NEDD4: variants seen among roughly 807,000 people sequenced by gnomAD.
NEDD4 encodes NEDD4 E3 ubiquitin protein ligase.
Under a neutral mutation model 144.9 loss-of-function variants are expected in NEDD4, and 99 were observed. The observed-to-expected ratio is 0.68, with a 90% confidence interval of 0.58 to 0.81. The LOEUF (loss-of-function observed/expected upper bound fraction) is 0.81. NEDD4 is among the 30% of genes least tolerant of loss of function. NEDD4 has a pLI of 0.00. For missense variants in NEDD4, 985 were observed against 1,065.9 expected (o/e 0.92, Z 1.06); for synonymous variants, 318 against 350.6 (o/e 0.91, Z 1.04).
At chr15:55,971,192 G>C (rs1285402282) in intron 1 of NEDD4, among the ~76,000 whole-genome samples, 2 of 152,122 alleles carry the variant, frequency 1.3e-5, no homozygotes, top group African/African-American at 4.8e-5. Context: ...TGGCAGAATT[G>C]ATCACGCAGA....
At chr15:55,893,491 T>TA (rs1350107298) in intron 5 of NEDD4, among the ~76,000 whole-genome samples, 1 of 152,028 alleles carries the variant, frequency 6.6e-6, no homozygotes, top group Non-Finnish European at 1.5e-5. Context: ...ACTTTAATTG[T>TA]AAGTTTTACA....
chr15:55,976,437 G>A (rs2037700677), intron 1 of NEDD4, among the ~76,000 whole-genome samples: 1 of 152,084 alleles, frequency 6.6e-6, no homozygotes, highest in Non-Finnish European at 1.5e-5. Context: ...TTTCTCAAAA[G>A]AAGACATACA....
chr15:55,979,567 A>G (rs2037765278), intron 1 of NEDD4, among the ~76,000 whole-genome samples: 1 of 151,260 alleles, frequency 6.6e-6, no homozygotes, highest in East Asian at 1.9e-4. Context: ...GTTAGCCAGG[A>G]TGGTCTCGAT....
intron 9 of NEDD4, among the ~76,000 whole-genome samples, chr15:55,861,607 A>G (rs1438254194): frequency 1.3e-5 from 2 of 152,144 alleles, no homozygotes; most frequent in Admixed American, 6.5e-5. Flanking sequence ...ACATGATGTG[A>G]TTATTATGCC....
chr15:55,898,388 A>C (rs1185806233), intron 5 of NEDD4, among the ~76,000 whole-genome samples: 1 of 152,194 alleles, frequency 6.6e-6, no homozygotes, highest in Non-Finnish European at 1.5e-5. Context: ...GTGGGCCTGA[A>C]AACACTGTTA....
At chr15:55,949,426 T>C (rs1397589249) in intron 4 of NEDD4, among the ~76,000 whole-genome samples, 3 of 152,292 alleles carry the variant, frequency 2.0e-5, no homozygotes, top group Admixed American at 6.5e-5. Context: ...AGAAATACCA[T>C]TTGACCCAGC....
At chr15:55,835,516 T>C (rs938543837) in intron 24 of NEDD4, among the ~76,000 whole-genome samples, 5 of 150,972 alleles carry the variant, frequency 3.3e-5, no homozygotes, top group Non-Finnish European at 5.9e-5. Flanking sequence ...CAGGTCTCTC[T>C]CCACATGTGA....
intron 5 of NEDD4, among the ~76,000 whole-genome samples, chr15:55,919,490 T>C (rs892685797): frequency 6.6e-6 from 1 of 152,170 alleles, no homozygotes; most frequent in Non-Finnish European, 1.5e-5. Flanking sequence ...ACAATTTGCA[T>C]TGCTGGCTGA....
At chr15:55,926,094 TACATGTATATG>T (rs1378956507) in intron 4 of NEDD4, among the ~76,000 whole-genome samples, 1 of 152,106 alleles carries the variant, frequency 6.6e-6, no homozygotes, top group Non-Finnish European at 1.5e-5. Context: ...ATACATACTG[TACATGTATATG>T]ATACATACGT....
Position 55,848,589 on chromosome 15 carries a change from T to G in NEDD4, c.1429-14A>C. ...TTCCCATCCTGGCTATAATTAAAAA[T>G]GTATTTCAATTATTTTAGGAGAGGG... On this transcript the variant is annotated splice_polypyrimidine_tract_variant and intron_variant, in intron 15 of 28. Coordinates refer to ENST00000435532, the MANE Select transcript of NEDD4 (RefSeq NM_006154.4). The G allele has an allele frequency of 6.2e-7, 1 of 1,605,818 alleles. No homozygotes were observed. The highest frequency in any genetic ancestry group is 8.5e-7 in the Non-Finnish European group (1 of 1,173,164).
rs555281401 is a variant in NEDD4 at position 55,934,178 on chromosome 15, T to A, written c.238-9479A>T. On this transcript the variant is annotated intron_variant, in intron 4 of 28. Transcript: ENST00000435532. ...CAAAATAATAATAATAATGATAATT[T>A]AAAAAAATTACCCAGTCTCAGGCAT... 1.7e-4 allele frequency among the ~76,000 whole-genome samples: 26 copies of A among 152,184 alleles called. No homozygotes were observed. The South Asian group carries it at 3.5e-3, about 21-fold the overall frequency.
intron 5 of NEDD4, among the ~76,000 whole-genome samples, chr15:55,910,092 A>G (rs1395963007): frequency 6.6e-6 from 1 of 152,188 alleles, no homozygotes. Flanking sequence ...TTCTCCAGGA[A>G]AAAGAGACTG....
chr15:55,951,563 T>C lies in NEDD4; in HGVS notation c.146A>G (p.Tyr49Cys), dbSNP rs1272524811. 1 of 1,518,066 alleles carries C rather than the reference T, an allele frequency of 6.6e-7. No individual in the cohort carries two copies. The highest frequency in any genetic ancestry group is 8.8e-7 in the Non-Finnish European group (1 of 1,135,342). The allele number at this position is 1,518,066 out of a possible 1,614,324, so 94.0% of individuals were successfully genotyped here. A position where few individuals can be genotyped will look rare whatever the true frequency, so the allele number is the denominator to read the frequency against. The change falls in exon 3 of 29, where the codon TAT (tyrosine) becomes TGT (cysteine). Residue 49 changes from tyrosine to cysteine, a missense_variant. By Grantham distance (194) the Tyr-to-Cys change is radical. Coordinates refer to ENST00000435532, the MANE Select transcript of NEDD4 (RefSeq NM_006154.4). ...TGTAAGAACTCCATTCATTGGGTCA[T>C]ATAACGTCACTCTCACGTAAGGATC... ...ASDPYVRVTL[Y>C]DPMNGVLTSV...
At chr15:55,847,812 G>A (rs2033811258) in intron 17 of NEDD4, among the ~76,000 whole-genome samples, 1 of 151,936 alleles carries the variant, frequency 6.6e-6, no homozygotes, top group Admixed American at 6.6e-5. Flanking sequence ...AAGTAGCTGG[G>A]ACTACAGGTA....
chr15:55,867,515 T>C (rs144056473), intron 8 of NEDD4, among the ~76,000 whole-genome samples: 47 of 152,330 alleles, frequency 3.1e-4, no homozygotes, highest in African/African-American at 1.1e-3. Flanking sequence ...TTCAAGTTAC[T>C]AAATAAATAA....
At chr15:55,933,982 C>T (rs994957059) in intron 4 of NEDD4, among the ~76,000 whole-genome samples, 4 of 152,102 alleles carry the variant, frequency 2.6e-5, no homozygotes, top group Admixed American at 6.6e-5. Flanking sequence ...GGTGAAACCT[C>T]GTCTCTACTA....
intron 27 of NEDD4, 62 bp downstream of exon 27, chr15:55,832,946 C>A: frequency 9.0e-7 from 1 of 1,108,894 alleles, no homozygotes; most frequent in Non-Finnish European, 1.3e-6. Flanking sequence ...GCGGATTCGT[C>A]AGCCATGAAA....
rs554856037 is a variant in NEDD4, at chr15:55,839,186, G to C, written c.2032-582C>G. 2.0e-5 allele frequency among the ~76,000 whole-genome samples: 3 copies of C among 151,676 alleles called. No homozygotes were observed. The South Asian group carries it at 6.3e-4, about 32-fold the overall frequency. ...TGGGACTACAGGCGCGCACCACCACGCCTGGCTAATTTTTGTATTTTTTGT... is the reference window on the plus strand; with the variant it reads ...TGGGACTACAGGCGCGCACCACCACCCCTGGCTAATTTTTGTATTTTTTGT... On this transcript the variant is annotated intron_variant, in intron 21 of 28. Transcript: ENST00000435532.
At chr15:55,928,461 G>A (rs1193302186) in intron 4 of NEDD4, among the ~76,000 whole-genome samples, 2 of 152,212 alleles carry the variant, frequency 1.3e-5, no homozygotes, top group Admixed American at 1.3e-4. Flanking sequence ...TTCATGATCT[G>A]AGTCCAATTT....
Sources: allele counts gnomAD v4.1 joint callset (sites outside exome capture counted in the v4.1 genomes callset), GRCh38; gene constraint gnomAD v4.1.1; transcripts MANE v1.5; gene names NCBI Gene and HGNC (gene_info 2026-07-23, HGNC 2026-07-21).